EXOC4: variants seen among roughly 807,000 people sequenced by gnomAD.
EXOC4 encodes the protein SEC8-like 1.
Under a neutral mutation model 107.2 loss-of-function variants are expected in EXOC4, and 71 were observed. The observed-to-expected ratio is 0.66, with a 90% CI of 0.55 to 0.81. The LOEUF is 0.81. Ranked by LOEUF, EXOC4 falls within the 30% of genes least tolerant of loss-of-function variation. The pLI is 0.00. For synonymous variants in EXOC4, 456 were observed against 441.2 expected, an observed-to-expected ratio of 1.03 and a Z score of -0.42; for missense variants, 1,108 against 1,189.6, an observed-to-expected ratio of 0.93 and a Z score of 1.01.
At chr7:133,926,430 A>C (rs1486801932) in intron 13 of EXOC4, among the ~76,000 whole-genome samples, 1 of 152,236 alleles carries the variant, frequency 6.6e-6, no homozygotes, top group Non-Finnish European at 1.5e-5. Context: ...GACATTTATC[A>C]TATAAGCATT....
chr7:133,423,225 C>CAAAAAAAAAAAAAAA (rs1797642571), intron 7 of EXOC4, among the ~76,000 whole-genome samples: 1 of 12,156 alleles, frequency 8.2e-5, no homozygotes, highest in African/African-American at 7.8e-4. Flanking sequence ...GACTCCGTCT[C>CAAAAAAAAAAAAAAA]CAAAAAAAAA....
At chr7:133,787,964 TATA>T (rs1562997624) in intron 10 of EXOC4, among the ~76,000 whole-genome samples, 114 of 9,240 alleles carry the variant, frequency 0.012, 3 homozygotes, top group African/African-American at 0.03. Flanking sequence ...TTTATATATT[TATA>T]TATATATATA....
rs866746614 is a variant in EXOC4 at position 133,419,693 on chromosome 7, A to G, written c.1182+44691A>G. On this transcript the variant is annotated intron_variant, in intron 7 of 17. Transcript: ENST00000253861. ...GAAGACAGCAAATGTTGGTGTGTCA[A>G]ATGAATGTTAGTGCTGTTTGAAGTG... Among the ~76,000 whole-genome samples the G allele has an allele frequency of 2.8e-4, 43 of 152,290 alleles. 1 individual carries two copies. The highest frequency in any genetic ancestry group is 8.7e-4 in the African/African-American group (36 of 41,580).
chr7:133,618,880 A>G (rs1802259239), intron 9 of EXOC4, among the ~76,000 whole-genome samples: 1 of 152,178 alleles, frequency 6.6e-6, no homozygotes, highest in Admixed American at 6.6e-5. Flanking sequence ...ATATATCATA[A>G]TATGTAACAT....
At chr7:133,796,185 G>A (rs2542265) in intron 10 of EXOC4, among the ~76,000 whole-genome samples, 150,317 of 152,332 alleles carry the variant, frequency 0.99, 74,206 homozygotes, top group Middle Eastern at 1. Flanking sequence ...CTTTTAGTCA[G>A]TGTGGTACTT....
At chr7:133,319,069 A>G (rs1398347010) in intron 5 of EXOC4, among the ~76,000 whole-genome samples, 1 of 152,214 alleles carries the variant, frequency 6.6e-6, no homozygotes, top group Non-Finnish European at 1.5e-5. Flanking sequence ...CAGTTGTTAC[A>G]TCTTTGCTTT....
chr7:133,817,543 A>G lies in EXOC4; in HGVS notation c.1733A>G (p.Gln578Arg), dbSNP rs730882233. ...KVLGVQRPLL[Q>R]STIIVEKTVQ... is the part of the protein sequence containing the mutation. ...CTGGGAGTGCAGCGGCCTCTCCTACAGGTAATAATACACTTTGAACTTACT... is the reference window on the plus strand; with the variant it reads ...CTGGGAGTGCAGCGGCCTCTCCTACGGGTAATAATACACTTTGAACTTACT... Residue 578 changes from glutamine (Q) to arginine (R), a missense_variant and splice_region_variant, in exon 11 of 18, where the codon CAG becomes CGG. Physicochemically the swap from Gln to Arg is conservative, Grantham distance 43. Coordinates refer to ENST00000253861, the MANE Select transcript of EXOC4 (RefSeq NM_021807.4). 6.2e-6 allele frequency: 10 copies of G among 1,607,818 alleles called. No individual in the cohort carries two copies. The Middle Eastern group carries it at 9.9e-4, about 160-fold the overall frequency.
At chr7:133,823,843 TTATATATATA>T (rs869279764) in intron 11 of EXOC4, among the ~76,000 whole-genome samples, 3 of 18,718 alleles carry the variant, frequency 1.6e-4, no homozygotes, top group African/African-American at 9.0e-4. Flanking sequence ...TATATATATA[TTATATATATA>T]TATATATATA....
chr7:133,895,572 T>C (rs374698913), intron 11 of EXOC4, 27 bp from the exon 12 acceptor site: 15 of 1,610,540 alleles, frequency 9.3e-6, no homozygotes, highest in Non-Finnish European at 1.3e-5. Flanking sequence ...AGAAATCTCA[T>C]ATCCTCTCTT....
intron 10 of EXOC4, among the ~76,000 whole-genome samples, chr7:133,670,453 T>G (rs1028104678): frequency 1.3e-5 from 2 of 152,218 alleles, no homozygotes; most frequent in Non-Finnish European, 2.9e-5. Context: ...GGCCTATTGC[T>G]AACGAGCAGG....
intron 10 of EXOC4, among the ~76,000 whole-genome samples, chr7:133,797,622 GGTGGCTGCAT>G (rs1174458625): frequency 2.6e-5 from 4 of 152,194 alleles, no homozygotes; most frequent in Non-Finnish European, 5.9e-5. Context: ...TTTGGAAAAC[GGTGGCTGCAT>G]GTGTCTGGTG....
chr7:133,637,913 G>C (rs1023397572), intron 10 of EXOC4, among the ~76,000 whole-genome samples: 1 of 152,088 alleles, frequency 6.6e-6, no homozygotes, highest in African/African-American at 2.4e-5. Flanking sequence ...ATAAAATGGA[G>C]AGCCAGTCAA....
intron 9 of EXOC4, among the ~76,000 whole-genome samples, chr7:133,564,302 A>G (rs2150953364): frequency 6.6e-6 from 1 of 152,202 alleles, no homozygotes; most frequent in Non-Finnish European, 1.5e-5. Context: ...AGAGAAGGGG[A>G]AGGTGCCACA....
Position 134,004,988 on chromosome 7 carries a change from G to C in EXOC4, c.2425G>C (p.Asp809His). ...CATTGTGGCTAATGTGGAAAGTATG[G>C]ATTATGACCCCCTGGTGGTCAAGCT... ...YAIVANVESMDYDPLVVKLNK... is the reference protein window; with the variant it reads ...YAIVANVESMHYDPLVVKLNK... The change falls in exon 16 of 18, where the codon GAT becomes CAT. Residue 809 changes from aspartate (D) to histidine (H), a missense_variant. Physicochemically the swap from Asp to His is moderately conservative, Grantham distance 81. Coordinates refer to ENST00000253861, the MANE Select transcript of EXOC4 (RefSeq NM_021807.4). The C allele has an allele frequency of 6.2e-7, 1 of 1,613,568 alleles. No individual in the cohort carries two copies. Among genetic ancestry groups the C allele is most frequent in the Non-Finnish European group, 8.5e-7 (1 of 1,179,666 alleles).
chr7:133,472,503 A>G (rs372326085), intron 7 of EXOC4, among the ~76,000 whole-genome samples: 1 of 152,206 alleles, frequency 6.6e-6, no homozygotes, highest in African/African-American at 2.4e-5. Flanking sequence ...GAAGGAATTA[A>G]TGTTTTTATG....
chr7:133,648,855 G>A lies in EXOC4; in HGVS notation c.1514+18714G>A, dbSNP rs190442459. Among the ~76,000 whole-genome samples the A allele has an allele frequency of 2.0e-5, 3 of 152,270 alleles. No homozygotes were observed. The East Asian group carries it at 5.8e-4, about 29-fold the overall frequency. On this transcript the variant is annotated intron_variant, in intron 10 of 17. Transcript: ENST00000253861. ...CAGAAGTTGTGGAAAAACAATGTCG[G>A]CAACAATTTATGAAAGGAAAGCATT...
At chr7:133,635,038 G>A (rs147608656) in intron 10 of EXOC4, among the ~76,000 whole-genome samples, 1 of 152,094 alleles carries the variant, frequency 6.6e-6, no homozygotes. Context: ...TGATTTTGGG[G>A]AACAGAAGGA....
At chr7:133,273,554 T>C (rs1200197613) in intron 1 of EXOC4, among the ~76,000 whole-genome samples, 1 of 152,196 alleles carries the variant, frequency 6.6e-6, no homozygotes, top group East Asian at 1.9e-4. Flanking sequence ...ATTCATGATA[T>C]AGCTGATCTT....
intron 7 of EXOC4, among the ~76,000 whole-genome samples, chr7:133,406,493 G>A (rs1797223363): frequency 6.6e-6 from 1 of 152,038 alleles, no homozygotes; most frequent in South Asian, 2.1e-4. Flanking sequence ...ATGTTTTCTG[G>A]AATTGTATTT....
Sources: gnomAD v4.1 joint callset for allele counts (sites outside exome capture counted in the v4.1 genomes callset) on GRCh38, gnomAD v4.1.1 for gene constraint, MANE v1.5 for transcripts, NCBI Gene and HGNC (gene_info 2026-07-23, HGNC 2026-07-21) for gene names.